Variants in NR6A1 observed in about 807,000 individuals in gnomAD.
NR6A1 encodes the protein retinoic acid receptor-related testis-associated receptor.
In NR6A1, 7 loss-of-function variants were observed where a neutral mutation model predicts 59.1. The ratio of observed to expected loss-of-function variants is 0.12; its 90% CI spans 0.07 to 0.22. The LOEUF is 0.22. Among genes scored for constraint, NR6A1 ranks in the 10% least tolerant of loss-of-function variants. The pLI is 1.00. For missense variants in NR6A1, 468 were observed against 611.6 expected (o/e 0.77, Z 2.48); for synonymous variants, 243 against 236.1 (o/e 1.03, Z -0.27).
chr9:124,632,115 G>A (rs775023504), intron 2 of NR6A1, among the ~76,000 whole-genome samples: 1 of 152,124 alleles, frequency 6.6e-6, no homozygotes, highest in African/African-American at 2.4e-5. Flanking sequence ...TGTGAATAGC[G>A]CTGTAATGAA....
At chr9:124,635,656 T>C (rs1416332139) in intron 2 of NR6A1, among the ~76,000 whole-genome samples, 1 of 152,260 alleles carries the variant, frequency 6.6e-6, no homozygotes, top group Non-Finnish European at 1.5e-5. Flanking sequence ...TTTCACTTAG[T>C]AATATGCATC....
chr9:124,633,944 A>G (rs1836522367), intron 2 of NR6A1, among the ~76,000 whole-genome samples: 1 of 152,248 alleles, frequency 6.6e-6, no homozygotes, highest in Admixed American at 6.5e-5. Flanking sequence ...TTCACAATGT[A>G]CTGTTAAAGG....
rs150697163 is a variant in NR6A1 at position 124,548,562 on chromosome 9, C to G, written c.386-4705G>C. On this transcript the variant is annotated intron_variant, in intron 3 of 9. Coordinates refer to ENST00000487099, the MANE Select transcript of NR6A1 (RefSeq NM_033334.4). ...GTAAAAAAAATGTTTGTAAGGAACA[C>G]GAACTTTGATTTCTTTAAGATTCTG... Among the ~76,000 whole-genome samples the G allele has an allele frequency of 2.6e-5, 4 of 152,198 alleles. No homozygotes were observed. The East Asian group carries it at 7.7e-4, about 29-fold the overall frequency.
rs12115504 is a variant in NR6A1, at chr9:124,706,059, A to G, written c.142+27249T>C. ...CCAAAGTGCCGGGATTACAGGCGTA[A>G]GCCACCACGCCAGCCTGATTTTATT... On this transcript the variant is annotated intron_variant, in intron 2 of 9. Transcript: ENST00000487099. 2.3e-3 allele frequency among the ~76,000 whole-genome samples: 354 copies of G among 152,322 alleles called. 3 individuals carry two copies. Among genetic ancestry groups the G allele is most frequent in the African/African-American group, 8.3e-3 (345 of 41,572 alleles).
intron 2 of NR6A1, among the ~76,000 whole-genome samples, chr9:124,611,794 T>G (rs7044183): frequency 8.1e-5 from 9 of 111,374 alleles, no homozygotes; most frequent in African/African-American, 3.5e-4. Flanking sequence ...TGAGAGAGAA[T>G]GAGAGAGAAT....
At chr9:124,586,603 G>A (rs1331215415) in intron 2 of NR6A1, among the ~76,000 whole-genome samples, 1 of 151,838 alleles carries the variant, frequency 6.6e-6, no homozygotes, top group Non-Finnish European at 1.5e-5. Flanking sequence ...GCGCCACCAT[G>A]CCCAGCTAAT....
intron 2 of NR6A1, among the ~76,000 whole-genome samples, chr9:124,596,168 T>C (rs1185417882): frequency 1.3e-5 from 2 of 152,240 alleles, no homozygotes; most frequent in Non-Finnish European, 2.9e-5. Flanking sequence ...TTCTGGTATG[T>C]GGGGCTTTTC....
chr9:124,739,217 G>T (rs1392252608), intron 1 of NR6A1, among the ~76,000 whole-genome samples: 1 of 151,666 alleles, frequency 6.6e-6, no homozygotes, highest in Non-Finnish European at 1.5e-5. Flanking sequence ...GGGCGGCGAG[G>T]GTATGGGTAT....
At chr9:124,639,694 T>G (rs1441301142) in intron 2 of NR6A1, among the ~76,000 whole-genome samples, 2 of 151,642 alleles carry the variant, frequency 1.3e-5, no homozygotes, top group Non-Finnish European at 2.9e-5. Flanking sequence ...GGAAGAGTCT[T>G]TCAAGGAGGA....
At chr9:124,616,577 C>T (rs980168405) in intron 2 of NR6A1, among the ~76,000 whole-genome samples, 3 of 151,982 alleles carry the variant, frequency 2.0e-5, no homozygotes, top group African/African-American at 7.2e-5. Flanking sequence ...GGTCTAACTT[C>T]TAAAAGGCAA....
At chr9:124,540,844 T>G (rs558028041) in intron 4 of NR6A1, among the ~76,000 whole-genome samples, 1 of 152,146 alleles carries the variant, frequency 6.6e-6, no homozygotes, top group Non-Finnish European at 1.5e-5. Flanking sequence ...CCAAATGTCA[T>G]GTCCTTTGTG....
intron 2 of NR6A1, among the ~76,000 whole-genome samples, chr9:124,695,360 T>G (rs1588796711): frequency 6.6e-6 from 1 of 152,154 alleles, no homozygotes; most frequent in African/African-American, 2.4e-5. Context: ...AAAGGTTTTT[T>G]TGTGTGTGTT....
intron 2 of NR6A1, among the ~76,000 whole-genome samples, chr9:124,582,537 C>CA (rs1039153698): frequency 3.3e-5 from 5 of 151,408 alleles, no homozygotes; most frequent in African/African-American, 1.2e-4. Context: ...ACCTATGTAA[C>CA]AAACCAGCAC....
At chr9:124,720,109 G>A (rs529160187) in intron 2 of NR6A1, among the ~76,000 whole-genome samples, 5 of 152,110 alleles carry the variant, frequency 3.3e-5, no homozygotes, top group African/African-American at 4.8e-5. Flanking sequence ...GTGCAATGAC[G>A]CAATCTCAGC....
intron 2 of NR6A1, among the ~76,000 whole-genome samples, chr9:124,632,002 A>AT (rs981641743): frequency 2.0e-5 from 3 of 151,912 alleles, no homozygotes; most frequent in African/African-American, 7.3e-5. Flanking sequence ...ATGATCTTGT[A>AT]TTTTTTTCTT....
In NR6A1 at chr9:124,761,202, T is replaced by A. The variant is rs543253194; in HGVS notation, c.100+9818A>T. 1.1e-3 allele frequency among the ~76,000 whole-genome samples: 174 copies of A among 152,356 alleles called. 1 individual carries two copies. Among genetic ancestry groups the A allele is most frequent in the African/African-American group, 3.8e-3 (158 of 41,578 alleles). On this transcript the variant is annotated intron_variant, in intron 1 of 9. Transcript: ENST00000487099. The stretch of plus-strand genomic sequence containing the variant: ...TTAAGAAATAAAAGAAAGGCTTGTA[T>A]TTTCTTATAACTAAGCTGCAATCCC...
intron 2 of NR6A1, among the ~76,000 whole-genome samples, chr9:124,611,810 A>C (rs1310834328): frequency 6.6e-6 from 1 of 151,890 alleles, no homozygotes; most frequent in Non-Finnish European, 1.5e-5. Context: ...AGAATTCAGC[A>C]TTCAGAGCAG....
In NR6A1 at chr9:124,618,354, G is replaced by T. The variant is rs1244380773; in HGVS notation, c.143-63784C>A. Among the ~76,000 whole-genome samples, 4 of 152,096 alleles carry T rather than the reference G, an allele frequency of 2.6e-5. 1 individual carries two copies. ...AAAAATTAGATGGGCGTGGTGGCAT[G>T]TGCCTGTAATCCCAGCTACTCAGGA... On this transcript the variant is annotated intron_variant, in intron 2 of 9. Coordinates refer to ENST00000487099, the MANE Select transcript of NR6A1 (RefSeq NM_033334.4).
intron 3 of NR6A1, among the ~76,000 whole-genome samples, chr9:124,545,986 A>G (rs1427703211): frequency 6.6e-6 from 1 of 152,160 alleles, no homozygotes; most frequent in Non-Finnish European, 1.5e-5. Flanking sequence ...GTGGTGGCAC[A>G]TGCCTGTAAT....
Sources: allele counts gnomAD v4.1 joint callset (sites outside exome capture counted in the v4.1 genomes callset), GRCh38; gene constraint gnomAD v4.1.1; transcripts MANE v1.5; gene names NCBI Gene and HGNC (gene_info 2026-07-23, HGNC 2026-07-21).